Variants in CENPP observed in about 807,000 individuals in gnomAD.
CENPP encodes the protein centromere protein P.
CENPP carries 24 observed loss-of-function variants against 35.6 expected under a neutral mutation model. The ratio of observed to expected loss-of-function variants is 0.67; its 90% CI spans 0.49 to 0.95. The LOEUF is 0.95. CENPP is among the 40% of genes least tolerant of loss of function. The probability of loss-of-function intolerance (pLI) is 0.00; values close to 1 mark genes in which losing one functional copy is unlikely to be tolerated. For synonymous variants in CENPP, 120 were observed against 125.5 expected, an observed-to-expected ratio of 0.96 and a Z score of 0.29; for missense variants, 332 against 345.3, an observed-to-expected ratio of 0.96 and a Z score of 0.31.
chr9:92,549,480 G>A, intron 5 of CENPP, among the ~76,000 whole-genome samples: 1 of 151,854 alleles, frequency 6.6e-6, no homozygotes. Context: ...AACACCGTCT[G>A]TACTAAAAAT....
intron 5 of CENPP, among the ~76,000 whole-genome samples, chr9:92,586,688 A>ATT (rs531866635): frequency 2.0e-5 from 3 of 148,326 alleles, no homozygotes; most frequent in African/African-American, 4.9e-5. Flanking sequence ...TGGGAGAATC[A>ATT]TTTTTTTTTT....
chr9:92,546,669 C>A (rs879609183), intron 5 of CENPP, among the ~76,000 whole-genome samples: 2 of 152,198 alleles, frequency 1.3e-5, no homozygotes, highest in African/African-American at 2.4e-5. Context: ...CTGTAACACT[C>A]ACCGTGAGGG....
At chr9:92,451,782 G>A (rs894019647) in intron 5 of CENPP, among the ~76,000 whole-genome samples, 4 of 150,060 alleles carry the variant, frequency 2.7e-5, no homozygotes, top group African/African-American at 9.8e-5. Context: ...ATTGAGCAGT[G>A]GTTTGTAGTT....
chr9:92,447,773 A>C (rs1844590317), intron 5 of CENPP, among the ~76,000 whole-genome samples: 1 of 152,250 alleles, frequency 6.6e-6, no homozygotes, highest in East Asian at 1.9e-4. Context: ...GTAGAGATGC[A>C]GGAAGGTTAG....
chr9:92,512,212 A>G (rs1847393849), intron 5 of CENPP: 1 of 781,670 alleles, frequency 1.3e-6, no homozygotes, highest in Non-Finnish European at 2.1e-6. Context: ...ATAGATATCA[A>G]GAGAGAGCTT....
At chr9:92,413,314 C>T (rs973947727) in intron 5 of CENPP, among the ~76,000 whole-genome samples, 5 of 152,122 alleles carry the variant, frequency 3.3e-5, no homozygotes, top group African/African-American at 1.2e-4. Context: ...TAAGGAACTT[C>T]CATACTGCTT....
Position 92,337,585 on chromosome 9 carries a change from C to A in CENPP, c.334C>A (p.His112Asn). ...LQRHRLSGNC[H>N]MVTFQLEFQI... is the part of the protein sequence containing the mutation. ...GAGACACAGATTATCAGGAAATTGC[C>A]ACATGGTTACATTTCAACTTGAATT... The change falls in exon 3 of 8, where the codon CAC becomes AAC. Residue 112 changes from histidine (H) to asparagine (N), a missense_variant. Physicochemically the swap from His to Asn is moderately conservative, Grantham distance 68. Transcript: ENST00000375587. The A allele has an allele frequency of 6.2e-7, 1 of 1,609,206 alleles. No homozygotes were observed. The highest frequency in any genetic ancestry group is 1.1e-5 in the South Asian group (1 of 90,960).
At chr9:92,496,507 T>C in intron 5 of CENPP, 1 of 1,596,902 alleles carries the variant, frequency 6.3e-7, no homozygotes, top group Non-Finnish European at 8.5e-7. Flanking sequence ...GACATGCAAG[T>C]CACACATGGT....
chr9:92,337,412 A>G, intron 2 of CENPP, 129 bp from the exon 3 acceptor site: 3 of 559,234 alleles, frequency 5.4e-6, no homozygotes, highest in Non-Finnish European at 6.5e-6. Context: ...GAGTTTTTCA[A>G]TGTAATTGCT....
At chr9:92,447,135 G>T (rs960138883) in intron 5 of CENPP, among the ~76,000 whole-genome samples, 6 of 152,126 alleles carry the variant, frequency 3.9e-5, no homozygotes, top group Non-Finnish European at 8.8e-5. Flanking sequence ...CAGTTTTGTG[G>T]AATACAATTT....
intron 5 of CENPP, among the ~76,000 whole-genome samples, chr9:92,443,077 GA>G (rs1844462431): frequency 1.3e-5 from 2 of 152,004 alleles, no homozygotes. Context: ...ATACAGAAAA[GA>G]AGAAATAAAA....
chr9:92,369,066 T>G (rs779457004), intron 4 of CENPP, among the ~76,000 whole-genome samples: 14 of 152,118 alleles, frequency 9.2e-5, no homozygotes, highest in Non-Finnish European at 1.6e-4. Flanking sequence ...AATGGGAGCC[T>G]ATTGTAATAG....
Position 92,451,997 on chromosome 9 carries a change from G to C in CENPP, c.564+72138G>C, listed in dbSNP as rs1844724184. ...TGCTTATCAGCTTAAGGAGATTTTGGGCTGAGACAATGGGGTTTTCTAGAT... is the reference window on the plus strand; with the variant it reads ...TGCTTATCAGCTTAAGGAGATTTTGCGCTGAGACAATGGGGTTTTCTAGAT... On this transcript the variant is annotated intron_variant, in intron 5 of 7. Transcript: ENST00000375587. 4.0e-5 allele frequency among the ~76,000 whole-genome samples: 6 copies of C among 149,856 alleles called. No homozygotes were observed. The South Asian group carries it at 1.3e-3, about 32-fold the overall frequency.
intron 5 of CENPP, among the ~76,000 whole-genome samples, chr9:92,559,122 C>T (rs1849791332): frequency 6.6e-6 from 1 of 152,206 alleles, no homozygotes; most frequent in African/African-American, 2.4e-5. Context: ...CGCGCCCTCC[C>T]CCAGTTCTGG....
Position 92,441,734 on chromosome 9 carries a change from A to G in CENPP, c.564+61875A>G, listed in dbSNP as rs1844395743. ...AGATCGCGCCACTGCACTCCAGCCT[A>G]GGTGCCAGAGTGAGACTCTTAGGAA... On this transcript the variant is annotated intron_variant, in intron 5 of 7. Transcript: ENST00000375587. Among the ~76,000 whole-genome samples, 3 of 151,928 alleles carry G rather than the reference A, an allele frequency of 2.0e-5. No individual in the cohort carries two copies. In the South Asian group the frequency reaches 6.2e-4, roughly 32 times the overall value.
intron 5 of CENPP, among the ~76,000 whole-genome samples, chr9:92,541,300 A>G (rs1849312629): frequency 6.6e-6 from 1 of 152,054 alleles, no homozygotes; most frequent in Non-Finnish European, 1.5e-5. Flanking sequence ...AATACTATTT[A>G]TTCCTCCTGT....
At chr9:92,554,062 A>G (rs1460481512) in intron 5 of CENPP, among the ~76,000 whole-genome samples, 1 of 152,124 alleles carries the variant, frequency 6.6e-6, no homozygotes, top group Non-Finnish European at 1.5e-5. Flanking sequence ...GATGGCTTTT[A>G]TTACATTAAG....
At chr9:92,395,764 A>T (rs2130911530) in intron 5 of CENPP, among the ~76,000 whole-genome samples, 1 of 151,256 alleles carries the variant, frequency 6.6e-6, no homozygotes, top group East Asian at 1.9e-4. Flanking sequence ...CTGATAACTA[A>T]TGATGTTAGC....
intron 1 of CENPP, among the ~76,000 whole-genome samples, chr9:92,330,716 T>C: frequency 7.6e-6 from 1 of 132,378 alleles, no homozygotes; most frequent in African/African-American, 3.1e-5. Flanking sequence ...TGAGACAGAG[T>C]CTTACTTTGT....
Sources: gnomAD v4.1 joint callset for allele counts (sites outside exome capture counted in the v4.1 genomes callset) on GRCh38, gnomAD v4.1.1 for gene constraint, MANE v1.5 for transcripts, NCBI Gene and HGNC (gene_info 2026-07-23, HGNC 2026-07-21) for gene names.